Variants in NAALADL2 observed in about 807,000 individuals in gnomAD.
NAALADL2 encodes N-acetylated alpha-linked acidic dipeptidase like 2, also known as inactive N-acetylated-alpha-linked acidic dipeptidase-like protein 2.
A neutral mutation model predicts 87.2 loss-of-function variants in NAALADL2; 76 were observed. The ratio of observed to expected loss-of-function variants is 0.87; its 90% confidence interval spans 0.72 to 1.05. The LOEUF (loss-of-function observed/expected upper bound fraction) is 1.05, where lower values mean the gene tolerates loss of function less well. Ranked by LOEUF, NAALADL2 falls within the 50% of genes least tolerant of loss-of-function variation. The probability of loss-of-function intolerance (pLI) is 0.00; values close to 1 mark genes in which losing one functional copy is unlikely to be tolerated. For synonymous variants in NAALADL2, 354 were observed against 331.0 expected (o/e 1.07, Z -0.75); for missense variants, 1,089 against 945.8 (o/e 1.15, Z -1.99).
intron 5 of NAALADL2, among the ~76,000 whole-genome samples, chr3:175,433,698 T>C (rs1421934437): frequency 1.3e-5 from 2 of 152,044 alleles, no homozygotes; most frequent in Admixed American, 1.3e-4. Context: ...CCTAGCCTTT[T>C]TTTTTCTCTT....
At chr3:174,594,496 C>T (rs1352839016) in intron 2 of NAALADL2, among the ~76,000 whole-genome samples, 1 of 152,124 alleles carries the variant, frequency 6.6e-6, no homozygotes, top group Non-Finnish European at 1.5e-5. Context: ...GTTCTTCTTC[C>T]TCATACTTTA....
intron 2 of NAALADL2, among the ~76,000 whole-genome samples, chr3:175,141,638 T>C (rs1730008640): frequency 6.6e-6 from 1 of 152,074 alleles, no homozygotes; most frequent in Non-Finnish European, 1.5e-5. Context: ...CCATAGTGTT[T>C]AGAGGATATC....
intron 11 of NAALADL2, among the ~76,000 whole-genome samples, chr3:175,733,795 A>G (rs987346041): frequency 6.6e-6 from 1 of 152,228 alleles, no homozygotes; most frequent in Admixed American, 6.5e-5. Context: ...TACAGCCATT[A>G]CAAATGGGAG....
intron 2 of NAALADL2, among the ~76,000 whole-genome samples, chr3:174,722,317 C>A (rs1731782099): frequency 1.3e-5 from 2 of 152,096 alleles, no homozygotes; most frequent in South Asian, 4.1e-4. Flanking sequence ...CCCACTGTAC[C>A]ATTTCATTTC....
chr3:174,455,168 A>G (rs372603902), intron 1 of NAALADL2, among the ~76,000 whole-genome samples: 27 of 152,206 alleles, frequency 1.8e-4, no homozygotes, highest in African/African-American at 6.3e-4. Flanking sequence ...CACCCTCCCA[A>G]GACTACCAGA....
chr3:174,731,894 AT>A (rs1732737077), intron 2 of NAALADL2, among the ~76,000 whole-genome samples: 1 of 152,152 alleles, frequency 6.6e-6, no homozygotes, highest in African/African-American at 2.4e-5. Context: ...TGGCAAACTT[AT>A]TTTGTAGTAG....
chr3:175,433,488 A>G (rs1346717529), intron 5 of NAALADL2, among the ~76,000 whole-genome samples: 1 of 152,014 alleles, frequency 6.6e-6, no homozygotes, highest in East Asian at 1.9e-4. Flanking sequence ...CAAAGATACC[A>G]TTCCTATCCC....
At chr3:174,502,473 A>T (rs530475641) in intron 1 of NAALADL2, among the ~76,000 whole-genome samples, 2 of 152,328 alleles carry the variant, frequency 1.3e-5, no homozygotes, top group Non-Finnish European at 2.9e-5. Context: ...GGCCTAATAA[A>T]TACTGATATA....
chr3:175,083,991 G>A (rs1367007315), intron 1 of NAALADL2, among the ~76,000 whole-genome samples: 1 of 152,196 alleles, frequency 6.6e-6, no homozygotes, highest in Non-Finnish European at 1.5e-5. Flanking sequence ...TGTATGCCGA[G>A]AAGAAGCTTG....
chr3:175,343,619 A>G (rs181013880), intron 5 of NAALADL2, among the ~76,000 whole-genome samples: 36 of 137,420 alleles, frequency 2.6e-4, no homozygotes, highest in African/African-American at 8.7e-4. Flanking sequence ...TAAGTCTTCT[A>G]CGGGTCTGCC....
intron 2 of NAALADL2, among the ~76,000 whole-genome samples, chr3:174,605,676 G>C (rs948826817): frequency 1.3e-5 from 2 of 152,158 alleles, no homozygotes; most frequent in African/African-American, 2.4e-5. Context: ...CTCGAACTGG[G>C]TGGAGCCCAC....
intron 2 of NAALADL2, among the ~76,000 whole-genome samples, chr3:174,726,435 C>A (rs1732190781): frequency 6.6e-6 from 1 of 152,090 alleles, no homozygotes. Context: ...GTATTTTGCT[C>A]ACCATGGATT....
At chr3:174,926,317 C>T (rs1367121554) in intron 1 of NAALADL2, among the ~76,000 whole-genome samples, 1 of 152,246 alleles carries the variant, frequency 6.6e-6, no homozygotes, top group East Asian at 1.9e-4. Context: ...CCCAATCTAG[C>T]AAGGCAGGCC....
chr3:175,391,435 G>A (rs1049493087), intron 5 of NAALADL2, among the ~76,000 whole-genome samples: 12 of 152,194 alleles, frequency 7.9e-5, no homozygotes, highest in Admixed American at 1.3e-4. Context: ...TCTGAGAGAA[G>A]CCAGCTGCCA....
At chr3:174,539,599 G>A (rs1479275897) in intron 1 of NAALADL2, among the ~76,000 whole-genome samples, 1 of 152,006 alleles carries the variant, frequency 6.6e-6, no homozygotes, top group East Asian at 1.9e-4. Context: ...TGACAGATTT[G>A]TCCTTGAAAG....
At chr3:174,917,133 G>A (rs1473734308) in intron 1 of NAALADL2, among the ~76,000 whole-genome samples, 1 of 152,044 alleles carries the variant, frequency 6.6e-6, no homozygotes, top group South Asian at 2.1e-4. Flanking sequence ...ATTTTAAAGT[G>A]TAAATTAATA....
At chr3:175,643,129 T>A (rs1729522259) in intron 11 of NAALADL2, among the ~76,000 whole-genome samples, 1 of 152,188 alleles carries the variant, frequency 6.6e-6, no homozygotes, top group African/African-American at 2.4e-5. Context: ...TTAGAGTAGT[T>A]GGAGAAATTT....
intron 4 of NAALADL2, among the ~76,000 whole-genome samples, chr3:175,266,214 T>C (rs1434318715): frequency 1.3e-5 from 2 of 151,102 alleles, no homozygotes; most frequent in African/African-American, 4.8e-5. Flanking sequence ...TAAATTAATA[T>C]ATTCATAGTT....
At chr3:174,973,434 C>A (rs1743957163) in intron 1 of NAALADL2, among the ~76,000 whole-genome samples, 1 of 151,898 alleles carries the variant, frequency 6.6e-6, no homozygotes, top group African/African-American at 2.4e-5. Flanking sequence ...GTGTTTATAT[C>A]CATTTTATTT....
Sources: gnomAD v4.1 joint callset for allele counts (sites outside exome capture counted in the v4.1 genomes callset) on GRCh38, gnomAD v4.1.1 for gene constraint, MANE v1.5 for transcripts, NCBI Gene and HGNC (gene_info 2026-07-23, HGNC 2026-07-21) for gene names.